HTR2C: variants seen among roughly 807,000 people sequenced by gnomAD.
HTR2C encodes the protein 5-hydroxytryptamine (serotonin) receptor 2C, G protein-coupled.
A neutral mutation model predicts 21.0 loss-of-function variants in HTR2C; 5 were observed. That is an observed-to-expected ratio of 0.24 (90% CI 0.12 to 0.50). The LOEUF is 0.50. Among genes scored for constraint, HTR2C ranks in the 20% least tolerant of loss-of-function variants. HTR2C has a pLI of 0.98. For synonymous variants in HTR2C, 150 were observed against 145.3 expected (o/e 1.03, Z -0.23); for missense variants, 271 against 371.2 (o/e 0.73, Z 2.22).
intron 5 of HTR2C, among the ~76,000 whole-genome samples, chrX:114,891,381 C>G (rs974423181): frequency 2.7e-5 from 3 of 110,033 alleles, no homozygotes; most frequent in Non-Finnish European, 5.7e-5. Flanking sequence ...TACATTGACA[C>G]TCTGGAGCTT....
intron 2 of HTR2C, among the ~76,000 whole-genome samples, chrX:114,633,372 A>C (rs782505676): frequency 8.9e-6 from 1 of 112,174 alleles, no homozygotes; most frequent in Non-Finnish European, 1.9e-5. Context: ...AGAATGTAGT[A>C]TTCAACAGGA....
chrX:114,861,515 G>A (rs868948007), intron 5 of HTR2C, among the ~76,000 whole-genome samples: 46 of 111,119 alleles, frequency 4.1e-4, no homozygotes, highest in African/African-American at 1.5e-3. Context: ...ACAATGTGAC[G>A]ATCTCATTTC....
intron 2 of HTR2C, among the ~76,000 whole-genome samples, chrX:114,703,219 A>G (rs1422164942): frequency 9.3e-6 from 1 of 107,562 alleles, no homozygotes; most frequent in African/African-American, 3.4e-5. Context: ...CCTAATAGAC[A>G]TCTACAGAAC....
chrX:114,897,837 T>C (rs1186785417), intron 5 of HTR2C, among the ~76,000 whole-genome samples: 2 of 112,647 alleles, frequency 1.8e-5, no homozygotes, highest in African/African-American at 6.4e-5. Flanking sequence ...TCCAAGTCTT[T>C]GCTATTGTGA....
intron 2 of HTR2C, among the ~76,000 whole-genome samples, chrX:114,629,867 A>T (rs974479451): frequency 9.0e-6 from 1 of 111,153 alleles, no homozygotes; most frequent in South Asian, 3.8e-4. Flanking sequence ...TCAAGGGGGT[A>T]TAGAGAAAGG....
At chrX:114,724,722 G>C (rs1332471341) in intron 2 of HTR2C, among the ~76,000 whole-genome samples, 2 of 107,869 alleles carry the variant, frequency 1.9e-5, no homozygotes, top group Non-Finnish European at 3.8e-5. Flanking sequence ...TGGTGACAAA[G>C]TCTCTCAGCA....
intron 5 of HTR2C, among the ~76,000 whole-genome samples, chrX:114,867,062 T>G (rs2071051517): frequency 9.0e-6 from 1 of 111,711 alleles, no homozygotes; most frequent in Non-Finnish European, 1.9e-5. Flanking sequence ...ATTTTTAGTT[T>G]TTTGAGGAAC....
chrX:114,782,347 CA>C (rs1290088373), intron 4 of HTR2C, among the ~76,000 whole-genome samples: 3 of 109,838 alleles, frequency 2.7e-5, no homozygotes, highest in Admixed American at 9.7e-5. Flanking sequence ...GTCTGAGGAG[CA>C]AAAAAGAATG....
At chrX:114,834,275 T>C (rs782376064) in intron 4 of HTR2C, among the ~76,000 whole-genome samples, 83 of 108,745 alleles carry the variant, frequency 7.6e-4, no homozygotes, top group African/African-American at 2.6e-3. Context: ...TCTGTCTCGT[T>C]GATCTGTCTA....
At chrX:114,652,714 C>T (rs1229783331) in intron 2 of HTR2C, 1 of 372,185 alleles carries the variant, frequency 2.7e-6, no homozygotes, top group Non-Finnish European at 5.3e-6. Flanking sequence ...ATTTGAGCAC[C>T]TGTTATGTGG....
At chrX:114,750,754 A>G (rs1047885716) in intron 4 of HTR2C, among the ~76,000 whole-genome samples, 1 of 112,247 alleles carries the variant, frequency 8.9e-6, no homozygotes, top group Non-Finnish European at 1.9e-5. Flanking sequence ...CTTTTGAACC[A>G]ATGTTTTTAA....
chrX:114,837,238 A>G (rs2070795184), intron 4 of HTR2C, among the ~76,000 whole-genome samples: 2 of 112,214 alleles, frequency 1.8e-5, no homozygotes, highest in South Asian at 7.2e-4. Flanking sequence ...CCCCTTATTT[A>G]TTCAAAGAAT....
intron 4 of HTR2C, among the ~76,000 whole-genome samples, chrX:114,787,941 TG>T (rs2070193633): frequency 1.0e-5 from 1 of 96,139 alleles, no homozygotes; most frequent in Non-Finnish European, 2.1e-5. Flanking sequence ...AGCGAGACTC[TG>T]TCTCAAAAAA....
At chrX:114,625,667 T>C (rs947140757) in intron 2 of HTR2C, among the ~76,000 whole-genome samples, 14 of 112,257 alleles carry the variant, frequency 1.2e-4, no homozygotes, top group African/African-American at 4.2e-4. Context: ...GATATTCCTT[T>C]ATAACAACAC....
At chrX:114,891,119 A>G (rs1053817578) in intron 5 of HTR2C, among the ~76,000 whole-genome samples, 1 of 111,046 alleles carries the variant, frequency 9.0e-6, no homozygotes, top group African/African-American at 3.3e-5. Context: ...AATTTTACGA[A>G]CATTATAATT....
intron 4 of HTR2C, among the ~76,000 whole-genome samples, chrX:114,785,099 T>A (rs1408254232): frequency 8.9e-6 from 1 of 112,092 alleles, no homozygotes; most frequent in African/African-American, 3.2e-5. Context: ...ACTTAATGGG[T>A]CACAGAAAAT....
chrX:114,834,762 G>T (rs1328510382), intron 4 of HTR2C, among the ~76,000 whole-genome samples: 3 of 106,017 alleles, frequency 2.8e-5, no homozygotes, highest in African/African-American at 6.9e-5. Context: ...TGTTAGCTGG[G>T]TATTTTGCTC....
At chrX:114,870,869 C>A (rs2071086772) in intron 5 of HTR2C, among the ~76,000 whole-genome samples, 1 of 111,411 alleles carries the variant, frequency 9.0e-6, no homozygotes, top group Admixed American at 9.5e-5. Flanking sequence ...AAAAAAACTA[C>A]CTTTTGTTTC....
rs58478809 is a variant in HTR2C, at chrX:114,852,763, TTG to T, written c.550+4588_550+4589del. 5.6e-3 allele frequency among the ~76,000 whole-genome samples: 577 copies of T among 102,780 alleles called. 5 individuals carry two copies. The highest frequency in any genetic ancestry group is 0.019 in the African/African-American group (538 of 28,039). The allele number at this position is 102,780 out of a possible 115,157, so 89.3% of individuals were successfully genotyped here. ...TTGCCAATAATTCTACTAAGAATAA[TTG>T]TGTGTGTGTGTGTGTGTGTGTGTGT... On this transcript the variant is annotated intron_variant, in intron 5 of 5. Coordinates refer to ENST00000276198, the MANE Select transcript of HTR2C (RefSeq NM_000868.4).
Sources: gnomAD v4.1 joint callset for allele counts (sites outside exome capture counted in the v4.1 genomes callset) on GRCh38, gnomAD v4.1.1 for gene constraint, MANE v1.5 for transcripts, NCBI Gene and HGNC (gene_info 2026-07-23, HGNC 2026-07-21) for gene names.